The following CENPE variants were observed in gnomAD, a reference collection of about 807,000 sequenced individuals.
CENPE encodes centromere-associated protein E.
CENPE carries 145 observed loss-of-function variants against 336.1 expected under a neutral mutation model. The observed-to-expected ratio is 0.43, with a 90% CI of 0.38 to 0.50. The LOEUF is 0.50. Ranked by LOEUF, CENPE falls within the 20% of genes least tolerant of loss-of-function variation. CENPE has a pLI of 0.00. For synonymous variants in CENPE, 1,013 were observed against 984.8 expected (o/e 1.03, Z -0.54); for missense variants, 2,719 against 3,023.3 (o/e 0.90, Z 2.36).
chr4:103,144,314 G>T lies in CENPE; in HGVS notation c.5145+17C>A. ...CAATGTCATAGTTACTAGAGGTGTAGAGAGATGGTAACTCACTCTAGTTAT... is the reference window on the plus strand; with the variant it reads ...CAATGTCATAGTTACTAGAGGTGTATAGAGATGGTAACTCACTCTAGTTAT... On this transcript the variant is annotated intron_variant, in intron 33 of 48. Transcript: ENST00000265148. 6.3e-7 allele frequency: 1 copy of T among 1,578,844 alleles called. No individual in the cohort carries two copies. Among genetic ancestry groups the T allele is most frequent in the South Asian group, 1.2e-5 (1 of 84,436 alleles).
At chr4:103,196,288 TAAATC>T (rs1553941156) in intron 2 of CENPE, 36 bp from the exon 3 acceptor site, 2 of 1,439,192 alleles carry the variant, frequency 1.4e-6, no homozygotes, top group African/African-American at 1.4e-5. Flanking sequence ...ACACAGAAGT[TAAATC>T]AAATGAGTCC....
chr4:103,111,127 T>G, intron 46 of CENPE, 116 bp from the exon 47 acceptor site: 1 of 671,218 alleles, frequency 1.5e-6, no homozygotes, highest in South Asian at 2.8e-5. Context: ...GCTCAAGTCT[T>G]ATTTCCCTGG....
intron 29 of CENPE, among the ~76,000 whole-genome samples, chr4:103,146,500 T>C (rs1479361799): frequency 1.3e-5 from 2 of 152,174 alleles, no homozygotes; most frequent in African/African-American, 4.8e-5. Context: ...AAGCTTTAAC[T>C]GAGATCTGAA....
intron 16 of CENPE, among the ~76,000 whole-genome samples, chr4:103,168,624 C>T (rs1038617366): frequency 9.9e-5 from 15 of 152,260 alleles, no homozygotes; most frequent in Admixed American, 3.9e-4. Context: ...TTTACCCAGC[C>T]GGGGTCCTAC....
Position 103,163,217 on chromosome 4 carries a change from C to T in CENPE, c.1762G>A (p.Glu588Lys), listed in dbSNP as rs1560648372. 1.9e-6 allele frequency: 3 copies of T among 1,608,860 alleles called. No homozygotes were observed. The highest frequency in any genetic ancestry group is 2.2e-5 in the South Asian group (2 of 90,810). Residue 588 changes from glutamate (E) to lysine (K), a missense_variant, in exon 18 of 49, where the codon GAA (glutamate) becomes AAA (lysine). By Grantham distance (56) the Glu-to-Lys change is moderately conservative (BLOSUM62 1). This residue lies in a region of CENPE where 2,437 missense variants were observed against 2,513.3 expected (regional missense o/e 0.97). Coordinates refer to ENST00000265148, the MANE Select transcript of CENPE (RefSeq NM_001813.3). ...SSKVELLREKEDQIKKLQEYI... is the reference protein window; with the variant it reads ...SSKVELLREKKDQIKKLQEYI... ...TCCTGTAGCTTCTTAATCTGGTCTT[C>T]CTTTTCTCTAAGCAGCTCTACTTTT... is the stretch of plus-strand genomic sequence containing the variant.
chr4:103,198,079 G>T (rs1420251198), intron 1 of CENPE, among the ~76,000 whole-genome samples, 185 bp downstream of exon 1: 2 of 152,260 alleles, frequency 1.3e-5, no homozygotes, highest in African/African-American at 2.4e-5. Context: ...CAGCTGGAAA[G>T]TATCTTCTAG....
Position 103,161,259 on chromosome 4 carries a change from G to C in CENPE, c.1966-8C>G. 1 of 1,604,952 alleles carries C rather than the reference G, an allele frequency of 6.2e-7. No homozygotes were observed. Among genetic ancestry groups the C allele is most frequent in the Non-Finnish European group, 8.5e-7 (1 of 1,176,546 alleles). ...TGTAGTTGCAAGTTCTTTCTATTGAGAAAAACATTGCAAATGCACAAAAAT... is the reference window on the plus strand; with the variant it reads ...TGTAGTTGCAAGTTCTTTCTATTGACAAAAACATTGCAAATGCACAAAAAT... On this transcript the variant is annotated splice_polypyrimidine_tract_variant and splice_region_variant and intron_variant, in intron 19 of 48. Transcript: ENST00000265148.
At chr4:103,165,125 G>A (rs1754794287) in intron 16 of CENPE, among the ~76,000 whole-genome samples, 1 of 152,052 alleles carries the variant, frequency 6.6e-6, no homozygotes, top group African/African-American at 2.4e-5. Context: ...CCAATGACAT[G>A]TTTAAGATGC....
chr4:103,142,601 C>T (rs1752656979), intron 34 of CENPE, among the ~76,000 whole-genome samples: 1 of 152,190 alleles, frequency 6.6e-6, no homozygotes, highest in African/African-American at 2.4e-5. Context: ...CATGAAGCTT[C>T]TGAGTCAATC....
At position 103,132,801 on chromosome 4, in the gene CENPE, CA is replaced by C; in HGVS notation, c.6815del (p.Leu2272TrpfsTer5). 1 of 1,579,340 alleles carries C rather than the reference CA, an allele frequency of 6.3e-7. No individual in the cohort carries two copies. Among genetic ancestry groups the C allele is most frequent in the South Asian group, 1.1e-5 (1 of 88,388 alleles). ...CAAAACGAGTATTTAACCACTCTTC[CA>C]AAAACTGTGTCATTTCTTTCCTATT... ...LSNRKEMTQF[L>X]EEWLNTRFDI... is the part of the protein sequence containing the mutation. On this transcript the variant is annotated frameshift_variant, in exon 42 of 49. Coordinates refer to ENST00000265148, the MANE Select transcript of CENPE (RefSeq NM_001813.3). LOFTEE classifies it high-confidence loss of function.
At chr4:103,168,495 C>T (rs955464624) in intron 16 of CENPE, among the ~76,000 whole-genome samples, 3 of 152,320 alleles carry the variant, frequency 2.0e-5, no homozygotes, top group Admixed American at 6.5e-5. Flanking sequence ...TAAGGAACTG[C>T]TGGGAGTCTT....
intron 8 of CENPE, 26 bp from the exon 9 acceptor site, chr4:103,185,887 T>C: frequency 6.7e-7 from 1 of 1,492,646 alleles, no homozygotes; most frequent in Non-Finnish European, 9.3e-7. Flanking sequence ...AAATAAATCC[T>C]TAGGGCAGAT....
rs1347803600 is a variant in CENPE, at chr4:103,160,957, G to GT, written c.2131+128dup. The stretch of plus-strand genomic sequence containing the variant: ...TATTAATACCAAATGAAACTAAAAC[G>GT]TAATATTGAGTTTTTAAAAAGTCAG... On this transcript the variant is annotated intron_variant, in intron 20 of 48. Transcript: ENST00000265148. 1.4e-5 allele frequency: 13 copies of GT among 935,530 alleles called. No homozygotes were observed. In the Admixed American group the frequency reaches 2.9e-4, roughly 21 times the overall value. The allele number at this position is 935,530 out of a possible 1,614,324, so 58.0% of individuals were successfully genotyped here.
chr4:103,146,090 G>C lies in CENPE; in HGVS notation c.4152C>G (p.Ser1384Arg). 6.2e-7 allele frequency: 1 copy of C among 1,612,998 alleles called. No homozygotes were observed. Among genetic ancestry groups the C allele is most frequent in the Non-Finnish European group, 8.5e-7 (1 of 1,179,642 alleles). Reference protein sequence around the residue: ...ETLAKIQESQSKQEQSLNMKE... With the variant: ...ETLAKIQESQRKQEQSLNMKE... ...TCATATTTAAGGACTGTTCTTGTTT[G>C]CTTTGAGACTCCTGGATCTTAAGAG... The change falls in exon 30 of 49, where the codon AGC (serine) becomes AGG (arginine). Residue 1384 changes from serine (S) to arginine (R), a missense_variant. Around this residue, in one of 5 missense-constraint regions of CENPE, gnomAD observed 2,437 missense variants for 2,513.3 expected, o/e 0.97. Transcript: ENST00000265148.
At chr4:103,116,784 A>G (rs941764702) in intron 44 of CENPE, 95 bp from the exon 45 acceptor site, 2 of 611,428 alleles carry the variant, frequency 3.3e-6, no homozygotes, top group Non-Finnish European at 5.6e-6. Flanking sequence ...TCTAATAAGG[A>G]CATTTTAAAA....
chr4:103,149,152 T>C lies in CENPE; in HGVS notation c.3653A>G (p.His1218Arg), dbSNP rs1362300127. The change falls in exon 27 of 49, where the codon CAC becomes CGC. Residue 1218 changes from histidine to arginine, a missense_variant. His to Arg is a conservative substitution (Grantham distance 29). Coordinates refer to ENST00000265148, the MANE Select transcript of CENPE (RefSeq NM_001813.3). The stretch of plus-strand genomic sequence containing the variant: ...AATTTCTCTTATATATCCTCTAAGG[T>C]GGTCTCTCTCTGTTTCAAATGACTT... Reference protein sequence around the residue: ...LQKSFETERDHLRGYIREIEA... With the variant: ...LQKSFETERDRLRGYIREIEA... 1 of 1,606,182 alleles carries C rather than the reference T, an allele frequency of 6.2e-7. No homozygotes were observed. The highest frequency in any genetic ancestry group is 1.1e-5 in the South Asian group (1 of 89,924).
chr4:103,158,307 T>C lies in CENPE; in HGVS notation c.3026A>G (p.Gln1009Arg), dbSNP rs201479204. The change falls in exon 24 of 49, where the codon CAG becomes CGG. Residue 1009 changes from glutamine to arginine, a missense_variant. Physicochemically the swap from Gln to Arg is conservative, Grantham distance 43 (BLOSUM62 1). This residue lies in a region of CENPE where 2,437 missense variants were observed against 2,513.3 expected (regional missense o/e 0.97). Transcript: ENST00000265148. ...ENTGETKDEF[Q>R]QKMVGIDKKQ... ...AAAATAAACACCCTTTACCTTTTGC[T>C]GAAATTCATCTTTAGTTTCTCCTGT... 1.9e-4 allele frequency: 305 copies of C among 1,603,504 alleles called. No homozygotes were observed. Among genetic ancestry groups the C allele is most frequent in the Non-Finnish European group, 1.5e-4 (178 of 1,176,314 alleles).
intron 9 of CENPE, among the ~76,000 whole-genome samples, chr4:103,184,473 A>C (rs1371573250): frequency 1.3e-5 from 2 of 152,186 alleles, no homozygotes; most frequent in Non-Finnish European, 2.9e-5. Context: ...GACTTCCAAC[A>C]ATTTTTAGTT....
In CENPE at chr4:103,177,947, G is replaced by A. The variant is rs555508423; in HGVS notation, c.1243-901C>T. On this transcript the variant is annotated intron_variant, in intron 13 of 48. Transcript: ENST00000265148. ...AACTAGACCTCTTGCTCTCATTGCC[G>A]TTGCTGTCCTTCCAAATCATTAATT... Among the ~76,000 whole-genome samples, 6 of 151,482 alleles carry A rather than the reference G, an allele frequency of 4.0e-5. No homozygotes were observed. In the South Asian group the frequency reaches 6.2e-4, roughly 16 times the overall value.
Sources: gnomAD v4.1 joint callset for allele counts (sites outside exome capture counted in the v4.1 genomes callset) on GRCh38, gnomAD v4.1.1 for gene constraint, gnomAD v4.1.1 regional missense constraint, MANE v1.5 for transcripts, NCBI Gene and HGNC (gene_info 2026-07-23, HGNC 2026-07-21) for gene names.